Variants in CTNNA2 observed in about 807,000 individuals in gnomAD.
CTNNA2 encodes the protein catenin alpha 2.
A neutral mutation model predicts 101.0 loss-of-function variants in CTNNA2; 42 were observed. The observed-to-expected ratio is 0.42, with a 90% CI of 0.32 to 0.54. The LOEUF is 0.54. CTNNA2 is among the 20% of genes least tolerant of loss of function. CTNNA2 has a pLI of 0.14. For synonymous variants in CTNNA2, 450 were observed against 456.4 expected, an observed-to-expected ratio of 0.99 and a Z score of 0.18; for missense variants, 871 against 1,223.1, an observed-to-expected ratio of 0.71 and a Z score of 4.29.
intron 7 of CTNNA2, among the ~76,000 whole-genome samples, chr2:79,935,424 C>T (rs935645103): frequency 4.0e-5 from 6 of 150,846 alleles, no homozygotes; most frequent in Admixed American, 2.6e-4. Context: ...GTACAAAGAA[C>T]GATATATGCT....
chr2:79,809,264 C>G (rs1676819203), intron 3 of CTNNA2, among the ~76,000 whole-genome samples: 2 of 152,086 alleles, frequency 1.3e-5, no homozygotes, highest in Non-Finnish European at 1.5e-5. Flanking sequence ...GTGCACGTGT[C>G]TTTATAGGAG....
chr2:79,512,743 G>A (rs929641796), upstream of CTNNA2, among the ~76,000 whole-genome samples: 1 of 151,478 alleles, frequency 6.6e-6, no homozygotes, highest in African/African-American at 2.4e-5. Flanking sequence ...GCGGCGCCGA[G>A]CCTGCCGCGC....
chr2:80,152,991 T>C lies in CTNNA2; in HGVS notation c.1057-240220T>C, dbSNP rs76863352. 4.0e-3 allele frequency among the ~76,000 whole-genome samples: 611 copies of C among 152,348 alleles called. 5 individuals are homozygous for C. The highest frequency in any genetic ancestry group is 0.013 in the African/African-American group (556 of 41,586). ...TATAGAAGTCCTCAGAGGATCTAAG[T>C]TGTGTTTGTAAAATCAGCCATATTG... On this transcript the variant is annotated intron_variant, in intron 7 of 18. Transcript: ENST00000402739.
At chr2:79,268,300 C>T (rs137879931) in intron 2 of CTNNA2, among the ~76,000 whole-genome samples, 20 of 152,144 alleles carry the variant, frequency 1.3e-4, no homozygotes, top group South Asian at 1.0e-3. Context: ...GAATCTGTGG[C>T]GATGGCTAAG....
chr2:79,982,377 C>CCTATATAACAT (rs1691420299), intron 7 of CTNNA2, among the ~76,000 whole-genome samples: 1 of 73,090 alleles, frequency 1.4e-5, no homozygotes, highest in African/African-American at 4.4e-5. Flanking sequence ...ATATATATAA[C>CCTATATAACAT]ATATATAACA....
At chr2:79,362,994 G>T (rs1428910024) in intron 3 of CTNNA2, among the ~76,000 whole-genome samples, 2 of 152,196 alleles carry the variant, frequency 1.3e-5, no homozygotes, top group Non-Finnish European at 2.9e-5. Flanking sequence ...ACAGTCTTGG[G>T]CATCAGACAA....
chr2:79,635,799 C>T (rs1272866326), intron 1 of CTNNA2, among the ~76,000 whole-genome samples: 4 of 151,542 alleles, frequency 2.6e-5, no homozygotes, highest in Middle Eastern at 3.2e-3. Flanking sequence ...CCACCGTGCC[C>T]GGCCAATACA....
chr2:80,320,102 T>A (rs1678531136), intron 7 of CTNNA2, among the ~76,000 whole-genome samples: 1 of 152,248 alleles, frequency 6.6e-6, no homozygotes, highest in African/African-American at 2.4e-5. Context: ...ACAATAAATG[T>A]AAAGTTACTG....
At chr2:79,825,358 G>T (rs558375153) in intron 3 of CTNNA2, among the ~76,000 whole-genome samples, 1 of 152,284 alleles carries the variant, frequency 6.6e-6, no homozygotes, top group African/African-American at 2.4e-5. Context: ...AGAAATGGTG[G>T]TGCACCAGTT....
intron 7 of CTNNA2, among the ~76,000 whole-genome samples, chr2:80,059,584 C>G (rs1315314974): frequency 6.6e-6 from 1 of 152,178 alleles, no homozygotes; most frequent in East Asian, 1.9e-4. Flanking sequence ...GGGTCCAGAT[C>G]ACTGATTCCA....
intron 9 of CTNNA2, among the ~76,000 whole-genome samples, chr2:80,500,440 C>CAT (rs1382398981): frequency 2.0e-5 from 3 of 152,106 alleles, no homozygotes; most frequent in African/African-American, 7.2e-5. Flanking sequence ...TTTCTTCATC[C>CAT]ATATATTCAT....
chr2:79,575,589 G>A (rs1472182104), intron 1 of CTNNA2: 1 of 152,290 alleles, frequency 6.6e-6, no homozygotes, highest in African/African-American at 2.4e-5. Flanking sequence ...CTGTCTCTAT[G>A]CCCATAGCAG....
intron 7 of CTNNA2, among the ~76,000 whole-genome samples, chr2:80,209,087 C>T (rs533815253): frequency 1.0e-3 from 157 of 151,934 alleles, no homozygotes; most frequent in Admixed American, 1.8e-3. Context: ...AAGACTGAGA[C>T]ATCATTGTGA....
intron 3 of CTNNA2, among the ~76,000 whole-genome samples, chr2:79,751,755 T>A (rs1420537278): frequency 6.6e-6 from 1 of 152,016 alleles, no homozygotes; most frequent in Non-Finnish European, 1.5e-5. Flanking sequence ...TTAAATGATA[T>A]TTTAGAAAGA....
chr2:80,604,421 CTACT>C (rs1227802525), intron 16 of CTNNA2, among the ~76,000 whole-genome samples: 1 of 151,868 alleles, frequency 6.6e-6, no homozygotes, highest in African/African-American at 2.4e-5. Context: ...GAAGAACATA[CTACT>C]TAGGAGACAT....
chr2:79,368,341 A>G (rs1008877146), intron 3 of CTNNA2, among the ~76,000 whole-genome samples: 6 of 152,124 alleles, frequency 3.9e-5, no homozygotes, highest in Admixed American at 6.5e-5. Context: ...CAATCCTGGC[A>G]CAATGTTTCT....
chr2:79,352,815 T>C (rs951875233), intron 3 of CTNNA2, among the ~76,000 whole-genome samples: 3 of 152,160 alleles, frequency 2.0e-5, no homozygotes, highest in Non-Finnish European at 2.9e-5. Context: ...GGGTAACTTA[T>C]AAAGAAAAGA....
chr2:79,496,200 A>T (rs1209799165), intron 4 of CTNNA2, among the ~76,000 whole-genome samples: 1 of 152,178 alleles, frequency 6.6e-6, no homozygotes, highest in Non-Finnish European at 1.5e-5. Context: ...GAGGCTACCA[A>T]AAAAATTTAG....
intron 7 of CTNNA2, among the ~76,000 whole-genome samples, chr2:80,158,463 T>C (rs1318644999): frequency 6.6e-6 from 1 of 152,214 alleles, no homozygotes; most frequent in East Asian, 1.9e-4. Context: ...GATGTTGTCA[T>C]TGATACAGTG....
Sources: gnomAD v4.1 joint callset for allele counts (sites outside exome capture counted in the v4.1 genomes callset) on GRCh38, gnomAD v4.1.1 for gene constraint, MANE v1.5 for transcripts, NCBI Gene and HGNC (gene_info 2026-07-23, HGNC 2026-07-21) for gene names.